The following ARHGAP29 variants were observed in gnomAD, a reference collection of about 807,000 sequenced individuals.
ARHGAP29 encodes the protein Rho GTPase activating protein 29.
ARHGAP29 carries 43 observed loss-of-function variants against 122.6 expected under a neutral mutation model. That is an observed-to-expected ratio of 0.35 (90% CI 0.27 to 0.45). ARHGAP29 has a LOEUF of 0.45. Ranked by LOEUF, ARHGAP29 falls within the 20% of genes least tolerant of loss-of-function variation. The probability of loss-of-function intolerance (pLI) is 1.00; values close to 1 mark genes in which losing one functional copy is unlikely to be tolerated. For synonymous variants in ARHGAP29, 506 were observed against 497.1 expected, an observed-to-expected ratio of 1.02 and a Z score of -0.24; for missense variants, 1,303 against 1,477.2, an observed-to-expected ratio of 0.88 and a Z score of 1.93.
intron 19 of ARHGAP29, among the ~76,000 whole-genome samples, chr1:94,183,463 T>C (rs995569749): frequency 2.0e-5 from 3 of 151,972 alleles, no homozygotes; most frequent in Non-Finnish European, 4.4e-5. Flanking sequence ...TCTTTGGACC[T>C]ACTCCTGCAA....
chr1:94,213,950 C>T (rs912862924), intron 3 of ARHGAP29, among the ~76,000 whole-genome samples: 4 of 152,204 alleles, frequency 2.6e-5, no homozygotes, highest in African/African-American at 9.6e-5. Context: ...CTTCAAGCTA[C>T]TAAACCTTTT....
At chr1:94,277,388 G>A (rs1405049612), upstream of ARHGAP29, among the ~76,000 whole-genome samples, 1 of 152,170 alleles carries the variant, frequency 6.6e-6, no homozygotes, top group Non-Finnish European at 1.5e-5. Flanking sequence ...ACATTTGGCT[G>A]TACTGAATGA....
intron 2 of ARHGAP29, among the ~76,000 whole-genome samples, chr1:94,224,178 A>AC (rs1652486245): frequency 6.6e-6 from 1 of 152,130 alleles, no homozygotes; most frequent in Non-Finnish European, 1.5e-5. Flanking sequence ...TGGCACATAC[A>AC]TAACTAAATA....
chr1:94,248,760 T>C (rs1240756556), intron 1 of ARHGAP29, among the ~76,000 whole-genome samples: 1 of 152,232 alleles, frequency 6.6e-6, no homozygotes, highest in African/African-American at 2.4e-5. Flanking sequence ...TGGAGTGCAG[T>C]GGCACAGTCA....
chr1:94,237,509 C>A lies in ARHGAP29; in HGVS notation c.-127G>T. On this transcript the variant is annotated 5_prime_UTR_variant, in exon 1 of 23. Transcript: ENST00000260526. ...GGCTGGAGCTCGCTGCCCCCATCCCCCACGGCCTGCGGACGCCCGGCCAAA... is the reference window on the plus strand; with the variant it reads ...GGCTGGAGCTCGCTGCCCCCATCCCACACGGCCTGCGGACGCCCGGCCAAA... 1.0e-6 allele frequency: 1 copy of A among 990,006 alleles called. No individual in the cohort carries two copies. The highest frequency in any genetic ancestry group is 4.5e-5 in the South Asian group (1 of 22,360). The allele number at this position is 990,006 out of a possible 1,614,324, so 61.3% of individuals were successfully genotyped here.
Position 94,170,299 on chromosome 1 carries a change from G to A in ARHGAP29, c.*3570C>T, listed in dbSNP as rs1251136227. ...TTGAGTATAGAGCATCATTTCTGTA[G>A]TATTGGACAAAAATGTCTATCCTAA... On this transcript the variant is annotated 3_prime_UTR_variant, in exon 23 of 23. Coordinates refer to ENST00000260526, the MANE Select transcript of ARHGAP29 (RefSeq NM_004815.4). Among the ~76,000 whole-genome samples, 2 of 152,184 alleles carry A rather than the reference G, an allele frequency of 1.3e-5. No individual in the cohort carries two copies. The highest frequency in any genetic ancestry group is 2.9e-5 in the Non-Finnish European group (2 of 68,034).
At chr1:94,255,397 A>G (rs950897577) in intron 1 of ARHGAP29, among the ~76,000 whole-genome samples, 4 of 152,246 alleles carry the variant, frequency 2.6e-5, no homozygotes, top group African/African-American at 9.6e-5. Context: ...TAAGCCTCCC[A>G]GTCTGCAGTA....
At chr1:94,263,357 T>C (rs1654634603) in intron 1 of ARHGAP29, among the ~76,000 whole-genome samples, 1 of 151,130 alleles carries the variant, frequency 6.6e-6, no homozygotes, top group African/African-American at 2.4e-5. Context: ...AATTTACCTA[T>C]ATAACAAACC....
chr1:94,276,410 A>G (rs1474497448), upstream of ARHGAP29, among the ~76,000 whole-genome samples: 1 of 151,828 alleles, frequency 6.6e-6, no homozygotes, highest in Non-Finnish European at 1.5e-5. Flanking sequence ...TTAAGCTATC[A>G]TTGTTCATAT....
At chr1:94,236,177 G>A (rs1396718149) in intron 1 of ARHGAP29, among the ~76,000 whole-genome samples, 2 of 152,222 alleles carry the variant, frequency 1.3e-5, no homozygotes, top group Non-Finnish European at 2.9e-5. Flanking sequence ...AGGGACATGT[G>A]AGAAAGAGTT....
At chr1:94,256,607 G>A (rs1254107824) in intron 1 of ARHGAP29, among the ~76,000 whole-genome samples, 1 of 119,800 alleles carries the variant, frequency 8.3e-6, no homozygotes, top group Admixed American at 1.1e-4. Flanking sequence ...TCCCAGGCTG[G>A]AGTGCAGTGG....
the ARHGAP29 span, among the ~76,000 whole-genome samples, chr1:94,284,833 G>A: frequency 6.6e-6 from 1 of 152,182 alleles, no homozygotes; most frequent in Non-Finnish European, 1.5e-5. Context: ...CTTGGGCACA[G>A]AAGAAAGATA....
chr1:94,277,338 A>G (rs1655228990), upstream of ARHGAP29, among the ~76,000 whole-genome samples: 1 of 152,206 alleles, frequency 6.6e-6, no homozygotes, highest in South Asian at 2.1e-4. Context: ...AATGTCACAA[A>G]GAAACTGAAA....
rs1015955014 is a variant in ARHGAP29, at chr1:94,179,771, C to T, written c.2434G>A (p.Ala812Thr). 7.4e-6 allele frequency: 12 copies of T among 1,613,384 alleles called. No individual in the cohort carries two copies. Among genetic ancestry groups the T allele is most frequent in the Non-Finnish European group, 9.3e-6 (11 of 1,179,668 alleles). The stretch of plus-strand genomic sequence containing the variant: ...AAATGAAGACTGTTAAAATTTGATG[C>T]TGGCAATTGTCTTAGAAGGTCTTTG... ...KSKDLLRQLP[A>T]SNFNSLHFLI... The change falls in exon 20 of 23, where the codon GCA becomes ACA. Residue 812 changes from alanine (A) to threonine (T), a missense_variant. Physicochemically the swap from Ala to Thr is moderately conservative, Grantham distance 58. Coordinates refer to ENST00000260526, the MANE Select transcript of ARHGAP29 (RefSeq NM_004815.4).
upstream of ARHGAP29, among the ~76,000 whole-genome samples, chr1:94,239,755 C>A (rs1474220195): frequency 1.5e-5 from 1 of 67,440 alleles, no homozygotes; most frequent in East Asian, 4.9e-4. Flanking sequence ...GAAATGAAGC[C>A]AATTAGGCTC....
intron 22 of ARHGAP29, 27 bp downstream of exon 22, chr1:94,177,584 CA>C: frequency 6.5e-7 from 1 of 1,549,734 alleles, no homozygotes; most frequent in Non-Finnish European, 8.8e-7. Flanking sequence ...AGCCAGCAAA[CA>C]TATTTTTTTT....
At chr1:94,207,939 C>T (rs1651318344) in intron 5 of ARHGAP29, among the ~76,000 whole-genome samples, 1 of 151,912 alleles carries the variant, frequency 6.6e-6, no homozygotes, top group East Asian at 1.9e-4. Context: ...CTCCTGGGCT[C>T]AAGTGAATCC....
At chr1:94,181,536 C>A in intron 19 of ARHGAP29, among the ~76,000 whole-genome samples, 1 of 152,120 alleles carries the variant, frequency 6.6e-6, no homozygotes, top group East Asian at 1.9e-4. Flanking sequence ...AGGAAAGACC[C>A]TTCTCTGGAG....
rs375216269 is a variant in ARHGAP29 at position 94,181,744 on chromosome 1, AAAC to A, written c.2248-1790_2248-1788del. The stretch of plus-strand genomic sequence containing the variant: ...GGAGACGGAAATCAAAATGAGTAGA[AAAC>A]AACAACAACAACAACAACATAAAGG... On this transcript the variant is annotated intron_variant, in intron 19 of 22. Coordinates refer to ENST00000260526, the MANE Select transcript of ARHGAP29 (RefSeq NM_004815.4). Among the ~76,000 whole-genome samples the A allele has an allele frequency of 4.6e-3, 701 of 152,204 alleles. 7 individuals carry two copies. Among genetic ancestry groups the A allele is most frequent in the South Asian group, 4.2e-3 (20 of 4,818 alleles).
Sources: allele counts gnomAD v4.1 joint callset (sites outside exome capture counted in the v4.1 genomes callset), GRCh38; gene constraint gnomAD v4.1.1; transcripts MANE v1.5; gene names NCBI Gene and HGNC (gene_info 2026-07-23, HGNC 2026-07-21).